Variants in EIF4E2 observed in about 807,000 individuals in gnomAD.
EIF4E2 encodes the protein eukaryotic translation initiation factor 4E type 2.
In EIF4E2, 13 loss-of-function variants were observed where a neutral mutation model predicts 34.2. The observed-to-expected ratio is 0.38, with a 90% CI of 0.25 to 0.60. The LOEUF is 0.60. EIF4E2 is among the 20% of genes least tolerant of loss of function. The pLI is 0.62. For missense variants in EIF4E2, 222 were observed against 315.1 expected (o/e 0.70, Z 2.24); for synonymous variants, 100 against 106.6 (o/e 0.94, Z 0.38).
At chr2:232,551,140 C>T in intron 1 of EIF4E2, 2 of 547,354 alleles carry the variant, frequency 3.7e-6, no homozygotes, top group Non-Finnish European at 7.2e-6. Context: ...ACTCCCTCTC[C>T]CCTCTGAGCC....
downstream of EIF4E2, chr2:232,574,154 C>T (rs1019676389): frequency 9.6e-6 from 11 of 1,145,622 alleles, no homozygotes; most frequent in East Asian, 2.6e-5. Flanking sequence ...TGGCTCCACT[C>T]GGCTTGGAGG....
intron 3 of EIF4E2, 162 bp downstream of exon 3, chr2:232,558,180 A>G (rs1027219448): frequency 8.4e-6 from 7 of 830,526 alleles, no homozygotes; most frequent in African/African-American, 3.5e-5. Flanking sequence ...TAGGTTTCTC[A>G]CTAGATATCC....
Position 232,568,864 on chromosome 2 carries a change from CTT to C in EIF4E2, c.666-79_666-78del. On this transcript the variant is annotated intron_variant, in intron 6 of 6. Coordinates refer to ENST00000258416, the MANE Select transcript of EIF4E2 (RefSeq NM_004846.4). ...CTGTAGAGACCAGAAGACCAACCCT[CTT>C]TGAGACCCAGATGCTACTTTCCCTT... The C allele has an allele frequency of 1.9e-6, 3 of 1,591,386 alleles. No homozygotes were observed. The South Asian group carries it at 3.4e-5, about 18-fold the overall frequency.
Position 232,581,098 on chromosome 2 carries a change from A to G in EIF4E2, c.*155A>G, listed in dbSNP as rs1415139259. The G allele has an allele frequency of 5.2e-6, 4 of 776,672 alleles. No individual in the cohort carries two copies. The highest frequency in any genetic ancestry group is 6.8e-6 in the Non-Finnish European group (3 of 440,622). The allele number at this position is 776,672 out of a possible 1,614,324, so 48.1% of individuals were successfully genotyped here. A position where few individuals can be genotyped will look rare whatever the true frequency, so the allele number is the denominator to read the frequency against. On this transcript the variant is annotated 3_prime_UTR_variant, in exon 7 of 7. Coordinates refer to the EIF4E2 transcript ENST00000409098. This position sits in a 1 kb window ranked among gnomAD's most constrained non-coding sequence, Gnocchi z 5.2. ...TCATTCCTGGAGGACGGATTCCGCT[A>G]GACACCCTCCAGCATCGCTGACTTT... is the stretch of plus-strand genomic sequence containing the variant.
At chr2:232,568,031 A>G (rs1692995771) in intron 6 of EIF4E2, 1 of 981,198 alleles carries the variant, frequency 1.0e-6, no homozygotes, top group Non-Finnish European at 1.2e-6. Context: ...CAGTTTCTCC[A>G]TCTGTAAAGT....
chr2:232,569,213 T>C, downstream of EIF4E2: 1 of 1,419,816 alleles, frequency 7.0e-7, no homozygotes, highest in Non-Finnish European at 9.2e-7. Flanking sequence ...CTAAACTAGC[T>C]TGTCTCATGC....
chr2:232,568,327 C>T (rs1693005890), intron 6 of EIF4E2: 2 of 985,296 alleles, frequency 2.0e-6, no homozygotes, highest in Non-Finnish European at 2.4e-6. Context: ...AGTGGGAACA[C>T]TGCTATGGGC....
At chr2:232,553,370 C>A (rs1271981743) in intron 1 of EIF4E2, among the ~76,000 whole-genome samples, 1 of 152,172 alleles carries the variant, frequency 6.6e-6, no homozygotes, top group Non-Finnish European at 1.5e-5. Flanking sequence ...GTCTAAACCA[C>A]TTATTTGGCA....
At chr2:232,558,070 G>A (rs763865175) in intron 3 of EIF4E2, 52 bp downstream of exon 3, 2 of 1,587,068 alleles carry the variant, frequency 1.3e-6, no homozygotes, top group South Asian at 2.3e-5. Flanking sequence ...GTTCATGCCT[G>A]TATTGATATG....
At chr2:232,583,539 G>GT (rs1693410057) in exon 7 of EIF4E2, 2 of 152,094 alleles carry the variant, frequency 1.3e-5, no homozygotes, top group African/African-American at 4.8e-5. Context: ...GAATTTCCAA[G>GT]TATTTGCCAG....
At chr2:232,582,950 T>C (rs1174716245) in exon 7 of EIF4E2, 1 of 152,146 alleles carries the variant, frequency 6.6e-6, no homozygotes, top group Non-Finnish European at 1.5e-5. Flanking sequence ...GAGCAAGGGG[T>C]TATGCCTGTT....
At chr2:232,580,296 A>G (rs556630304) in intron 6 of EIF4E2, among the ~76,000 whole-genome samples, 2 of 152,176 alleles carry the variant, frequency 1.3e-5, no homozygotes, top group African/African-American at 4.8e-5. Context: ...ATATAAGACC[A>G]GGTGAATCAT....
Position 232,564,303 on chromosome 2 carries a change from C to T in EIF4E2, c.327C>T (p.Gly109=). The T allele has an allele frequency of 1.3e-6, 2 of 1,596,708 alleles. No homozygotes were observed. The highest frequency in any genetic ancestry group is 1.7e-6 in the Non-Finnish European group (2 of 1,170,264). Residue 109 remains glycine (G), a synonymous_variant, in exon 4 of 7, where the codon GGC becomes GGT. Coordinates refer to ENST00000258416, the MANE Select transcript of EIF4E2 (RefSeq NM_004846.4). ...TGGTACGTCCTGGGGACCTGACAGG[C>T]CACAGTGACTTCCATCTCTTCAAAG... ...SHMVRPGDLT[G]HSDFHLFKEG...
At chr2:232,555,977 A>G (rs992607451) in intron 1 of EIF4E2, among the ~76,000 whole-genome samples, 2 of 152,226 alleles carry the variant, frequency 1.3e-5, no homozygotes, top group African/African-American at 4.8e-5. Flanking sequence ...TGTCAGGAGA[A>G]GAGGGCCTAA....
At chr2:232,568,005 CT>C (rs1574672110) in intron 6 of EIF4E2, 4 of 976,976 alleles carry the variant, frequency 4.1e-6, no homozygotes, top group Non-Finnish European at 1.2e-6. Context: ...TGACAAGTGT[CT>C]TTGCAACTTT....
At chr2:232,570,609 T>C (rs981025974), downstream of EIF4E2, among the ~76,000 whole-genome samples, 1 of 152,184 alleles carries the variant, frequency 6.6e-6, no homozygotes, top group Non-Finnish European at 1.5e-5. Context: ...TCCATGGATA[T>C]GACTTGGTTT....
chr2:232,577,893 C>G (rs1013094497), intron 6 of EIF4E2, among the ~76,000 whole-genome samples: 2 of 152,202 alleles, frequency 1.3e-5, no homozygotes, highest in African/African-American at 4.8e-5. Flanking sequence ...TTTAAAAGAA[C>G]AGAAGCACAT....
At chr2:232,574,547 A>G (rs1382764945) in intron 6 of EIF4E2, among the ~76,000 whole-genome samples, 4 of 152,064 alleles carry the variant, frequency 2.6e-5, no homozygotes, top group East Asian at 1.9e-4. Context: ...TTATGCCCCT[A>G]TTTTCTCATC....
chr2:232,583,074 T>A (rs971130858), exon 7 of EIF4E2: 3 of 152,062 alleles, frequency 2.0e-5, no homozygotes, highest in Admixed American at 6.6e-5. Flanking sequence ...GCTTGAGAGG[T>A]CTTTTCATCT....
Sources: gnomAD v4.1 joint callset for allele counts (sites outside exome capture counted in the v4.1 genomes callset) on GRCh38, gnomAD v4.1.1 for gene constraint, Gnocchi (gnomAD v3.1) non-coding constraint, MANE v1.5 for transcripts, NCBI Gene and HGNC (gene_info 2026-07-23, HGNC 2026-07-21) for gene names.